MARCHF4: variants seen among roughly 807,000 people sequenced by gnomAD.
MARCHF4 encodes membrane associated ring-CH-type finger 4, also known as E3 ubiquitin-protein ligase MARCHF4.
In MARCHF4, 14 loss-of-function variants were observed where a neutral mutation model predicts 43.9. The ratio of observed to expected loss-of-function variants is 0.32; its 90% CI spans 0.21 to 0.50. The LOEUF is 0.50. Among genes scored for constraint, MARCHF4 ranks in the 20% least tolerant of loss-of-function variants. The pLI, the probability that MARCHF4 is intolerant of heterozygous loss-of-function variation, is 0.98. For synonymous variants in MARCHF4, 226 were observed against 213.3 expected, an observed-to-expected ratio of 1.06 and a Z score of -0.52; for missense variants, 468 against 536.7, an observed-to-expected ratio of 0.87 and a Z score of 1.27.
intron 3 of MARCHF4, among the ~76,000 whole-genome samples, chr2:216,260,025 T>C (rs16855798): frequency 0.083 from 12,705 of 152,258 alleles, 1,731 homozygotes; most frequent in African/African-American, 0.29. Flanking sequence ...CACCCAGTCC[T>C]TAGCAGATGT....
intron 1 of MARCHF4, among the ~76,000 whole-genome samples, chr2:216,346,632 G>T (rs1692324813): frequency 6.6e-6 from 1 of 152,154 alleles, no homozygotes; most frequent in South Asian, 2.1e-4. Flanking sequence ...TTAACCAGGT[G>T]GGGGCAAAGG....
At chr2:216,293,290 G>C (rs1012937637) in intron 1 of MARCHF4, among the ~76,000 whole-genome samples, 3 of 152,106 alleles carry the variant, frequency 2.0e-5, no homozygotes, top group South Asian at 4.1e-4. Context: ...GCCAAGTCTT[G>C]GCTTCAGGAG....
Position 216,369,889 on chromosome 2 carries a change from T to C in MARCHF4, c.372A>G (p.Thr124=). 1 of 1,613,822 alleles carries C rather than the reference T, an allele frequency of 6.2e-7. No homozygotes were observed. The highest frequency in any genetic ancestry group is 8.5e-7 in the Non-Finnish European group (1 of 1,179,952). ...SVEDDWGGPA[T]EPPASLLSSA... ...TGCTGAGCAGCGAGGCAGGTGGCTC[T>C]GTGGCTGGGCCACCCCAGTCATCTT... The change falls in exon 1 of 4, where the codon ACA becomes ACG. Residue 124 remains threonine (T), a synonymous_variant. Coordinates refer to ENST00000273067, the MANE Select transcript of MARCHF4 (RefSeq NM_020814.3).
At chr2:216,335,299 G>A (rs1297166222) in intron 1 of MARCHF4, among the ~76,000 whole-genome samples, 4 of 152,164 alleles carry the variant, frequency 2.6e-5, no homozygotes, top group Middle Eastern at 3.2e-3. Context: ...ATGCCATTGA[G>A]AAATTGACAA....
chr2:216,309,906 C>T (rs150263846), intron 1 of MARCHF4, among the ~76,000 whole-genome samples: 10 of 152,260 alleles, frequency 6.6e-5, no homozygotes, highest in African/African-American at 2.4e-4. Flanking sequence ...ACTGATATAG[C>T]TCCATTTCCC....
At chr2:216,286,808 T>C (rs184724801) in intron 1 of MARCHF4, among the ~76,000 whole-genome samples, 99 of 152,340 alleles carry the variant, frequency 6.5e-4, no homozygotes, top group African/African-American at 2.4e-3. Context: ...CAGACCTGTA[T>C]GTCTCCAAGA....
intron 1 of MARCHF4, among the ~76,000 whole-genome samples, chr2:216,286,985 T>G (rs1691228075): frequency 6.6e-6 from 1 of 152,184 alleles, no homozygotes. Flanking sequence ...GGAGAAAGGT[T>G]AAATGACTCA....
chr2:216,283,682 T>G lies in MARCHF4; in HGVS notation c.564A>C (p.Thr188=), dbSNP rs1574463277. 6.2e-7 allele frequency: 1 copy of G among 1,613,314 alleles called. No individual in the cohort carries two copies. The highest frequency in any genetic ancestry group is 8.5e-7 in the Non-Finnish European group (1 of 1,179,308). ...PCRCDGSVKC[T]HQPCLIKWIS... Reference sequence around the variant, plus strand: ...TCCACTTGATGAGGCAAGGCTGGTGTGTGCACTTGACCGAGCCATCACAGC... The same window carrying G: ...TCCACTTGATGAGGCAAGGCTGGTGGGTGCACTTGACCGAGCCATCACAGC... Residue 188 remains threonine (T), a synonymous_variant, in exon 2 of 4, where the codon ACA becomes ACC. Transcript: ENST00000273067.
chr2:216,340,127 T>G (rs943342297), intron 1 of MARCHF4, among the ~76,000 whole-genome samples: 6 of 151,994 alleles, frequency 3.9e-5, no homozygotes, highest in African/African-American at 7.2e-5. Flanking sequence ...AACAGGAAGT[T>G]GAGAGGGTGG....
chr2:216,302,799 G>A (rs1471937069), intron 1 of MARCHF4, among the ~76,000 whole-genome samples: 1 of 150,654 alleles, frequency 6.6e-6, no homozygotes, highest in Non-Finnish European at 1.5e-5. Context: ...TTGAGAGGCT[G>A]TGGCAGGAGA....
chr2:216,329,507 A>G (rs1177923252), intron 1 of MARCHF4, among the ~76,000 whole-genome samples: 1 of 152,136 alleles, frequency 6.6e-6, no homozygotes, highest in Non-Finnish European at 1.5e-5. Context: ...AGTAAGAAAG[A>G]GTGGCCACTA....
chr2:216,368,783 C>T (rs984615577), intron 1 of MARCHF4, among the ~76,000 whole-genome samples: 4 of 152,200 alleles, frequency 2.6e-5, no homozygotes, highest in Non-Finnish European at 4.4e-5. Context: ...CTGCGTGAGC[C>T]TTTCTATCTG....
At chr2:216,366,311 C>T (rs938486803) in intron 1 of MARCHF4, among the ~76,000 whole-genome samples, 1 of 152,142 alleles carries the variant, frequency 6.6e-6, no homozygotes, top group African/African-American at 2.4e-5. Flanking sequence ...GTACATTGTC[C>T]CACAAAGTGG....
At chr2:216,330,474 C>T (rs958963840) in intron 1 of MARCHF4, among the ~76,000 whole-genome samples, 1 of 152,064 alleles carries the variant, frequency 6.6e-6, no homozygotes, top group Non-Finnish European at 1.5e-5. Context: ...AAAAAATTAA[C>T]GAGGATATGA....
chr2:216,353,121 T>C (rs1434783395), intron 1 of MARCHF4, among the ~76,000 whole-genome samples: 1 of 152,098 alleles, frequency 6.6e-6, no homozygotes, highest in African/African-American at 2.4e-5. Flanking sequence ...CCACGGAGCC[T>C]AACTTCAAAT....
intron 1 of MARCHF4, among the ~76,000 whole-genome samples, chr2:216,295,243 G>A (rs1293744353): frequency 1.3e-5 from 2 of 152,136 alleles, no homozygotes; most frequent in African/African-American, 2.4e-5. Context: ...ATAACACAAG[G>A]TGAGGGTTTT....
At chr2:216,273,359 G>A (rs1479297778) in intron 3 of MARCHF4, among the ~76,000 whole-genome samples, 2 of 152,194 alleles carry the variant, frequency 1.3e-5, no homozygotes, top group Non-Finnish European at 2.9e-5. Context: ...CGCAGCAGAT[G>A]GTTTTGTTCC....
chr2:216,295,272 G>GT (rs1015786748), intron 1 of MARCHF4, among the ~76,000 whole-genome samples: 6 of 152,104 alleles, frequency 3.9e-5, no homozygotes, highest in Non-Finnish European at 8.8e-5. Flanking sequence ...GTTTTGTTTT[G>GT]TTTTTTGAGA....
At chr2:216,300,618 T>A (rs1031039710) in intron 1 of MARCHF4, among the ~76,000 whole-genome samples, 4 of 152,098 alleles carry the variant, frequency 2.6e-5, no homozygotes, top group Non-Finnish European at 5.9e-5. Flanking sequence ...AGTATTGGGA[T>A]TACAGGCATG....
Sources: gnomAD v4.1 joint callset for allele counts (sites outside exome capture counted in the v4.1 genomes callset) on GRCh38, gnomAD v4.1.1 for gene constraint, MANE v1.5 for transcripts, NCBI Gene and HGNC (gene_info 2026-07-23, HGNC 2026-07-21) for gene names.